Variants in DOP1A observed in about 807,000 individuals in gnomAD.
DOP1A encodes the protein DOP1 leucine zipper like protein A.
In DOP1A, 90 loss-of-function variants were observed where a neutral mutation model predicts 267.6. The ratio of observed to expected loss-of-function variants is 0.34; its 90% CI spans 0.28 to 0.40. DOP1A has a LOEUF of 0.40. Ranked by LOEUF, DOP1A falls within the 10% of genes least tolerant of loss-of-function variation. The pLI is 1.00. For synonymous variants in DOP1A, 932 were observed against 999.1 expected, an observed-to-expected ratio of 0.93 and a Z score of 1.27; for missense variants, 2,437 against 2,900.4, an observed-to-expected ratio of 0.84 and a Z score of 3.67.
intron 1 of DOP1A, among the ~76,000 whole-genome samples, chr6:83,094,811 A>G (rs138871536): frequency 0.011 from 1,634 of 152,264 alleles, 39 homozygotes; most frequent in African/African-American, 0.036. Flanking sequence ...ATTTTCTCCT[A>G]TTCTGTCAGT....
intron 15 of DOP1A, 45 bp downstream of exon 15, chr6:83,125,778 T>A: frequency 1.3e-6 from 2 of 1,488,476 alleles, no homozygotes; most frequent in Non-Finnish European, 1.9e-6. Context: ...TCATATTTCT[T>A]CAAAGCAGAA....
chr6:83,086,670 G>A (rs892366799), intron 1 of DOP1A, among the ~76,000 whole-genome samples: 1 of 152,194 alleles, frequency 6.6e-6, no homozygotes, highest in South Asian at 2.1e-4. Flanking sequence ...TGAATAAAAT[G>A]AGGGGCTACA....
At chr6:83,099,830 A>G (rs896647682) in intron 3 of DOP1A, among the ~76,000 whole-genome samples, 1 of 152,036 alleles carries the variant, frequency 6.6e-6, no homozygotes, top group African/African-American at 2.4e-5. Context: ...TATTATGGCA[A>G]AAAAACACAA....
At chr6:83,166,929 G>A in intron 38 of DOP1A, 8 of 986,846 alleles carry the variant, frequency 8.1e-6, no homozygotes, top group African/African-American at 1.7e-5. Context: ...CTAGTTCATT[G>A]CTTATTTTCA....
chr6:83,089,285 C>T (rs967145266), intron 1 of DOP1A, among the ~76,000 whole-genome samples: 2 of 152,122 alleles, frequency 1.3e-5, no homozygotes, highest in African/African-American at 4.8e-5. Flanking sequence ...TGGTATGATA[C>T]AATATTTCAT....
At position 83,138,483 on chromosome 6, in the gene DOP1A, GGCAATCGAAACAT is replaced by G. The variant is rs1779162141; in HGVS notation, c.4446_4458del (p.Asn1482LysfsTer2). On this transcript the variant is annotated frameshift_variant, in exon 21 of 39. Transcript: ENST00000349129. LOFTEE classifies it high-confidence loss of function. ...CAAGGTTACTGCACAAGATTTAATA[GGCAATCGAAACAT>G]GCAAATGATGAGCATAGAAATTCTG... is the stretch of plus-strand genomic sequence containing the variant. 6.2e-7 allele frequency: 1 copy of G among 1,613,122 alleles called. No homozygotes were observed. Among genetic ancestry groups the G allele is most frequent in the African/African-American group, 1.3e-5 (1 of 74,900 alleles).
intron 1 of DOP1A, among the ~76,000 whole-genome samples, chr6:83,077,702 C>G (rs1026874412): frequency 6.6e-6 from 1 of 152,056 alleles, no homozygotes; most frequent in Non-Finnish European, 1.5e-5. Flanking sequence ...CTTTAAACTT[C>G]TAGAAACATG....
chr6:83,168,418 A>G lies in DOP1A; in HGVS notation c.*251A>G. Reference sequence around the variant, plus strand: ...TACACATGTAAAGTCCATTGTTTTTATTGTCCTGAGTTGTCTTAAACCTGC... The same window carrying G: ...TACACATGTAAAGTCCATTGTTTTTGTTGTCCTGAGTTGTCTTAAACCTGC... On this transcript the variant is annotated 3_prime_UTR_variant, in exon 39 of 39. Coordinates refer to ENST00000349129, the MANE Select transcript of DOP1A (RefSeq NM_015018.4). 1 of 1,194,754 alleles carries G rather than the reference A, an allele frequency of 8.4e-7. No homozygotes were observed. Among genetic ancestry groups the G allele is most frequent in the East Asian group, 4.2e-5 (1 of 24,068 alleles). 74.0% of individuals were successfully genotyped at this position (1,194,754 alleles called of 1,614,324 possible). A position where few individuals can be genotyped will look rare whatever the true frequency, so the allele number is the denominator to read the frequency against.
In DOP1A at chr6:83,137,187, C is replaced by G; in HGVS notation, c.3145C>G (p.Leu1049Val). The change falls in exon 21 of 39, where the codon CTC becomes GTC. Residue 1049 changes from leucine to valine, a missense_variant. Around this residue, in one of 9 missense-constraint regions of DOP1A, gnomAD observed 878 missense variants for 992.9 expected, o/e 0.88. Transcript: ENST00000349129. ...TCATATATCAGTGAGCCAAGTACAA[C>G]TCATCACATCAAAAGGAAATGGTGA... ...FACSNVSQVQ[L>V]ITSKGNGEKP... is the part of the protein sequence containing the mutation. 6.4e-7 allele frequency: 1 copy of G among 1,561,276 alleles called. No homozygotes were observed. Among genetic ancestry groups the G allele is most frequent in the East Asian group, 2.3e-5 (1 of 44,344 alleles).
chr6:83,129,198 C>T lies in DOP1A; in HGVS notation c.2031C>T (p.Cys677=), dbSNP rs1234193849. The T allele has an allele frequency of 6.2e-7, 1 of 1,613,174 alleles. No homozygotes were observed. Among genetic ancestry groups the T allele is most frequent in the East Asian group, 2.2e-5 (1 of 44,872 alleles). The change falls in exon 16 of 39, where the codon TGC becomes TGT. Residue 677 remains cysteine, a synonymous_variant. Coordinates refer to ENST00000349129, the MANE Select transcript of DOP1A (RefSeq NM_015018.4). ...CCCAAAAGACTGCAATGCAGTGCTG[C>T]TTGGAGTATGTCCAACAGTTTCTTA... ...KTAQKTAMQC[C]LEYVQQFLTR...
chr6:83,128,527 T>C (rs1336621083), intron 15 of DOP1A, among the ~76,000 whole-genome samples: 4 of 152,236 alleles, frequency 2.6e-5, no homozygotes, highest in African/African-American at 7.2e-5. Flanking sequence ...TTAGATTTTA[T>C]TTGTAGTTAT....
rs1191164911 is a variant in DOP1A, at chr6:83,154,193, A to G, written c.6403A>G (p.Met2135Val). The change falls in exon 33 of 39, where the codon ATG becomes GTG. Residue 2135 changes from methionine (M) to valine (V), a missense_variant. Met to Val is a conservative substitution (Grantham distance 21). This residue lies in a region of DOP1A where 216 missense variants were observed against 283.3 expected (regional missense o/e 0.76). Transcript: ENST00000349129. The stretch of plus-strand genomic sequence containing the variant: ...TATCTCTTTCAGTTGGAGAGCAATT[A>G]TGGACAATCTGATGACACATGATAA... ...ASCVNHWRAI[M>V]DNLMTHDKTT... The G allele has an allele frequency of 6.2e-7, 1 of 1,613,950 alleles. No individual in the cohort carries two copies. Among genetic ancestry groups the G allele is most frequent in the Non-Finnish European group, 8.5e-7 (1 of 1,179,866 alleles).
downstream of DOP1A, chr6:83,169,376 C>T: frequency 6.2e-7 from 1 of 1,602,808 alleles, no homozygotes; most frequent in Non-Finnish European, 8.5e-7. Flanking sequence ...ATGTGTCTAA[C>T]ATGGGCAAGA....
chr6:83,077,504 A>C (rs1767304142), intron 1 of DOP1A, among the ~76,000 whole-genome samples: 2 of 151,304 alleles, frequency 1.3e-5, no homozygotes, highest in South Asian at 4.2e-4. Flanking sequence ...CCCTGTCTAC[A>C]AAAAAAAATT....
intron 20 of DOP1A, 133 bp downstream of exon 20, chr6:83,136,011 C>A: frequency 9.6e-7 from 1 of 1,039,178 alleles, no homozygotes; most frequent in Non-Finnish European, 1.4e-6. Context: ...CCTCCTCATG[C>A]ACTAGCAATG....
chr6:83,137,163 C>G lies in DOP1A; in HGVS notation c.3131-10C>G. 1 of 1,518,726 alleles carries G rather than the reference C, an allele frequency of 6.6e-7. No homozygotes were observed. Among genetic ancestry groups the G allele is most frequent in the Non-Finnish European group, 8.8e-7 (1 of 1,135,048 alleles). The allele number at this position is 1,518,726 out of a possible 1,614,324, so 94.1% of individuals were successfully genotyped here. ...ATTTTTCTTCTTTTACTGTTTTTCT[C>G]ATATATCAGTGAGCCAAGTACAACT... On this transcript the variant is annotated splice_polypyrimidine_tract_variant and intron_variant, in intron 20 of 38. Transcript: ENST00000349129.
chr6:83,118,084 T>A (rs1562317820), intron 7 of DOP1A, among the ~76,000 whole-genome samples: 1 of 152,202 alleles, frequency 6.6e-6, no homozygotes, highest in South Asian at 2.1e-4. Flanking sequence ...CTCAAGAACC[T>A]GTGAGGTTTA....
rs76825245 is a variant in DOP1A at position 83,141,560 on chromosome 6, G to A, written c.5416-361G>A. On this transcript the variant is annotated intron_variant, in intron 23 of 38. Transcript: ENST00000349129. ...GATTAAACTATACTTTTTATGTTTC[G>A]TTTTACTTAAATAAAACAGAAGGTG... Among the ~76,000 whole-genome samples, 394 of 152,188 alleles carry A rather than the reference G, an allele frequency of 2.6e-3. 1 individual carries two copies. The highest frequency in any genetic ancestry group is 5.3e-3 in the Admixed American group (81 of 15,294).
chr6:83,132,177 A>G lies in DOP1A; in HGVS notation c.2618A>G (p.His873Arg). 1 of 1,607,292 alleles carries G rather than the reference A, an allele frequency of 6.2e-7. No homozygotes were observed. The highest frequency in any genetic ancestry group is 2.2e-5 in the East Asian group (1 of 44,750). ...YIAEKTEFFK[H>R]VALTLWDQLG... ...GTCACTTTTACATCTTTTTTATAGCATGTAGCTTTAACATTGTGGGACCAG... is the reference window on the plus strand; with the variant it reads ...GTCACTTTTACATCTTTTTTATAGCGTGTAGCTTTAACATTGTGGGACCAG... The change falls in exon 18 of 39, where the codon CAT (histidine) becomes CGT (arginine). Residue 873 changes from histidine (H) to arginine (R), a missense_variant and splice_region_variant. By Grantham distance (29) the His-to-Arg change is conservative. Coordinates refer to ENST00000349129, the MANE Select transcript of DOP1A (RefSeq NM_015018.4).
Sources: gnomAD v4.1 joint callset for allele counts (sites outside exome capture counted in the v4.1 genomes callset) on GRCh38, gnomAD v4.1.1 for gene constraint, gnomAD v4.1.1 regional missense constraint, MANE v1.5 for transcripts, NCBI Gene and HGNC (gene_info 2026-07-23, HGNC 2026-07-21) for gene names.